Variants in THEMIS observed in about 807,000 individuals in gnomAD.
The protein encoded by THEMIS is thymocyte selection associated, also known as protein THEMIS.
In THEMIS, 37 loss-of-function variants were observed where a neutral mutation model predicts 52.6. That is an observed-to-expected ratio of 0.70 (90% CI 0.54 to 0.93). THEMIS has a LOEUF of 0.93. Among genes scored for constraint, THEMIS ranks in the 40% least tolerant of loss-of-function variants. The pLI, the probability that THEMIS is intolerant of heterozygous loss-of-function variation, is 0.00. For missense variants in THEMIS, 808 were observed against 763.1 expected, an observed-to-expected ratio of 1.06 and a Z score of -0.69; for synonymous variants, 292 against 272.7, an observed-to-expected ratio of 1.07 and a Z score of -0.70.
At chr6:127,903,280 C>A (rs1415611580), upstream of THEMIS, among the ~76,000 whole-genome samples, 1 of 151,862 alleles carries the variant, frequency 6.6e-6, no homozygotes, top group Non-Finnish European at 1.5e-5. Flanking sequence ...ATGTGAGCAG[C>A]CAAGTTAAGG....
At chr6:127,722,903 T>C (rs1289480041) in intron 4 of THEMIS, among the ~76,000 whole-genome samples, 1 of 152,034 alleles carries the variant, frequency 6.6e-6, no homozygotes, top group East Asian at 1.9e-4. Context: ...ACATAAACAT[T>C]CTGTCTGATT....
At chr6:127,816,148 A>AT (rs1426245267) in intron 3 of THEMIS, among the ~76,000 whole-genome samples, 1 of 151,896 alleles carries the variant, frequency 6.6e-6, no homozygotes, top group African/African-American at 2.4e-5. Flanking sequence ...TCTTTGATAC[A>AT]TTTTTCTCAC....
chr6:127,735,318 CGT>C (rs147119256), intron 4 of THEMIS, among the ~76,000 whole-genome samples: 15 of 140,800 alleles, frequency 1.1e-4, no homozygotes, highest in South Asian at 2.4e-4. Flanking sequence ...GGCGTGTGTG[CGT>C]GTGTGTGTGT....
chr6:127,881,074 G>A (rs1482325875), intron 1 of THEMIS, among the ~76,000 whole-genome samples: 1 of 151,948 alleles, frequency 6.6e-6, no homozygotes, highest in Non-Finnish European at 1.5e-5. Context: ...TAAAATCCAA[G>A]TTTTATCATC....
At chr6:127,747,036 T>TTATATTATATATAATTGTA (rs1562231402) in intron 4 of THEMIS, among the ~76,000 whole-genome samples, 2 of 14,834 alleles carry the variant, frequency 1.3e-4, no homozygotes, top group African/African-American at 5.3e-4. Flanking sequence ...ATAGATATAA[T>TTATATTATATATAATTGTA]TATAGATATC....
At chr6:127,746,521 A>C (rs1005219386) in intron 4 of THEMIS, among the ~76,000 whole-genome samples, 5 of 150,184 alleles carry the variant, frequency 3.3e-5, no homozygotes, top group African/African-American at 1.2e-4. Context: ...CAAATTTGGT[A>C]ATATGATCTA....
At chr6:127,886,914 T>G (rs989823021) in intron 1 of THEMIS, among the ~76,000 whole-genome samples, 2 of 151,966 alleles carry the variant, frequency 1.3e-5, no homozygotes, top group African/African-American at 2.4e-5. Context: ...TTAGTGAGGG[T>G]CATCTTGGGG....
chr6:127,915,182 C>T (rs1051375208), intron 1 of THEMIS, among the ~76,000 whole-genome samples: 2 of 147,604 alleles, frequency 1.4e-5, no homozygotes, highest in African/African-American at 2.5e-5. Flanking sequence ...TCATACTTCC[C>T]CTTTGGAAAA....
At chr6:127,745,256 G>A (rs958855981) in intron 4 of THEMIS, among the ~76,000 whole-genome samples, 2 of 151,740 alleles carry the variant, frequency 1.3e-5, no homozygotes, top group Admixed American at 1.3e-4. Context: ...TAATTCTACT[G>A]GTGGAAAATA....
chr6:127,906,448 A>G (rs1781271266), intron 1 of THEMIS, among the ~76,000 whole-genome samples: 1 of 151,972 alleles, frequency 6.6e-6, no homozygotes, highest in Non-Finnish European at 1.5e-5. Flanking sequence ...CATACTGTTA[A>G]TGGTGCAATG....
intron 2 of THEMIS, among the ~76,000 whole-genome samples, chr6:127,832,059 T>C (rs936269015): frequency 1.3e-5 from 2 of 152,118 alleles, no homozygotes; most frequent in African/African-American, 4.8e-5. Flanking sequence ...GTACCTAAAA[T>C]CTCATAAAAG....
intron 2 of THEMIS, among the ~76,000 whole-genome samples, chr6:127,832,024 T>C (rs1200267015): frequency 6.6e-6 from 1 of 152,132 alleles, no homozygotes. Flanking sequence ...CAGCAGTTAT[T>C]GTGAAATAAG....
intron 5 of THEMIS, 37 bp downstream of exon 5, chr6:127,719,651 C>T: frequency 6.4e-7 from 1 of 1,560,828 alleles, no homozygotes; most frequent in Middle Eastern, 1.7e-4. Flanking sequence ...GACAGTTAAA[C>T]CACCGTGGTT....
At chr6:127,716,011 G>T (rs1280608456) in intron 5 of THEMIS, among the ~76,000 whole-genome samples, 4 of 151,866 alleles carry the variant, frequency 2.6e-5, no homozygotes, top group African/African-American at 9.7e-5. Flanking sequence ...CCCAGGGTTT[G>T]TCTTACTACT....
chr6:127,915,725 G>A (rs537501310), intron 1 of THEMIS, among the ~76,000 whole-genome samples: 6 of 152,254 alleles, frequency 3.9e-5, no homozygotes, highest in Non-Finnish European at 7.4e-5. Context: ...GGTGGCTCAC[G>A]CCTGTAATCC....
At chr6:127,787,057 G>A (rs1776973186) in intron 4 of THEMIS, among the ~76,000 whole-genome samples, 1 of 152,040 alleles carries the variant, frequency 6.6e-6, no homozygotes, top group South Asian at 2.1e-4. Flanking sequence ...CCCTTTCTAG[G>A]ATTTGTCTTT....
chr6:127,773,138 G>A (rs116779275), intron 4 of THEMIS, among the ~76,000 whole-genome samples: 2,729 of 152,252 alleles, frequency 0.018, 105 homozygotes, highest in African/African-American at 0.062. Context: ...GCTGATAAGA[G>A]AATAGAATTA....
intron 1 of THEMIS, among the ~76,000 whole-genome samples, chr6:127,873,492 G>T (rs1048945058): frequency 3.3e-5 from 5 of 152,146 alleles, no homozygotes; most frequent in African/African-American, 9.7e-5. Context: ...CAGCGCCACA[G>T]AAATAAGCCC....
chr6:127,817,611 GC>G (rs1383760559), intron 3 of THEMIS, among the ~76,000 whole-genome samples: 3 of 152,074 alleles, frequency 2.0e-5, no homozygotes, highest in Admixed American at 2.0e-4. Context: ...CAAGGAAATA[GC>G]AGATGCAGTG....
Sources: gnomAD v4.1 joint callset for allele counts (sites outside exome capture counted in the v4.1 genomes callset) on GRCh38, gnomAD v4.1.1 for gene constraint, MANE v1.5 for transcripts, NCBI Gene and HGNC (gene_info 2026-07-23, HGNC 2026-07-21) for gene names.